EZH1: variants seen among roughly 807,000 people sequenced by gnomAD.
EZH1 encodes histone-lysine N-methyltransferase EZH1.
In EZH1, 33 loss-of-function variants were observed where a neutral mutation model predicts 100.5. The observed-to-expected ratio is 0.33, with a 90% CI of 0.25 to 0.44. EZH1 has a LOEUF of 0.44. Among genes scored for constraint, EZH1 ranks in the 20% least tolerant of loss-of-function variants. The probability of loss-of-function intolerance (pLI) is 1.00; values close to 1 mark genes in which losing one functional copy is unlikely to be tolerated. For synonymous variants in EZH1, 272 were observed against 313.8 expected, an observed-to-expected ratio of 0.87 and a Z score of 1.41; for missense variants, 475 against 928.4, an observed-to-expected ratio of 0.51 and a Z score of 6.35.
intron 10 of EZH1, among the ~76,000 whole-genome samples, chr17:42,716,943 C>A (rs1479604947): frequency 1.3e-5 from 2 of 152,118 alleles, no homozygotes; most frequent in Non-Finnish European, 2.9e-5. Context: ...GGTGATCCAC[C>A]TCCCTCAGCC....
At position 42,745,015 on chromosome 17, in the gene EZH1, C is replaced by G; in HGVS notation, c.-107G>C. The G allele has an allele frequency of 7.9e-7, 1 of 1,273,086 alleles. No individual in the cohort carries two copies. Among genetic ancestry groups the G allele is most frequent in the Non-Finnish European group, 1.0e-6 (1 of 982,596 alleles). 78.9% of individuals were successfully genotyped at this position (1,273,086 alleles called of 1,614,324 possible). On this transcript the variant is annotated 5_prime_UTR_variant, in exon 1 of 21. An upstream start codon of the reference 5' UTR is lost. Coordinates refer to ENST00000428826, the MANE Select transcript of EZH1 (RefSeq NM_001991.5). ...CAGGCTTGTTTACTCACTCACCCTCCATCCCGAGCCGCGGGTCCCGCTGCT... is the reference window on the plus strand; with the variant it reads ...CAGGCTTGTTTACTCACTCACCCTCGATCCCGAGCCGCGGGTCCCGCTGCT...
chr17:42,720,260 C>T lies in EZH1; in HGVS notation c.664+13G>A. 1 of 1,605,434 alleles carries T rather than the reference C, an allele frequency of 6.2e-7. No homozygotes were observed. Among genetic ancestry groups the T allele is most frequent in the Non-Finnish European group, 8.5e-7 (1 of 1,176,662 alleles). On this transcript the variant is annotated intron_variant, in intron 7 of 20. Coordinates refer to ENST00000428826, the MANE Select transcript of EZH1 (RefSeq NM_001991.5). ...CACTTTAAAAAAGGAATAAGGGAGC[C>T]AGTGCTACGTACCTTCAATAGCATG...
chr17:42,719,474 T>C (rs2053665506), intron 7 of EZH1, among the ~76,000 whole-genome samples: 1 of 152,218 alleles, frequency 6.6e-6, no homozygotes, highest in Non-Finnish European at 1.5e-5. Context: ...GGCTCACGCC[T>C]GTAATCCCAG....
chr17:42,743,296 G>A (rs989224976), intron 1 of EZH1, among the ~76,000 whole-genome samples: 4 of 150,502 alleles, frequency 2.7e-5, no homozygotes, highest in Middle Eastern at 7.0e-3. Flanking sequence ...CAGCCCTCCC[G>A]AGTAGCTGGG....
At chr17:42,722,148 CAAAA>C (rs66555154) in intron 6 of EZH1, among the ~76,000 whole-genome samples, 3 of 38,988 alleles carry the variant, frequency 7.7e-5, no homozygotes, top group Admixed American at 3.1e-4. Flanking sequence ...GACTCTGTCT[CAAAA>C]AAAAAAAAAA....
intron 10 of EZH1, among the ~76,000 whole-genome samples, chr17:42,713,596 TG>T (rs1450143002): frequency 6.6e-6 from 1 of 152,030 alleles, no homozygotes; most frequent in African/African-American, 2.4e-5. Flanking sequence ...TGTCCTATAA[TG>T]TTTTTTTGTT....
chr17:42,741,753 A>G (rs2054179881), intron 1 of EZH1, among the ~76,000 whole-genome samples: 1 of 152,032 alleles, frequency 6.6e-6, no homozygotes, highest in African/African-American at 2.4e-5. Flanking sequence ...CAGTGGCTTG[A>G]TCTCGGCTCA....
intron 4 of EZH1, among the ~76,000 whole-genome samples, chr17:42,725,628 A>C (rs2053804079): frequency 6.6e-6 from 1 of 152,114 alleles, no homozygotes; most frequent in South Asian, 2.1e-4. Context: ...AGAGTTCAGC[A>C]CAGTACTTCC....
chr17:42,725,477 C>T (rs969263803), intron 4 of EZH1, among the ~76,000 whole-genome samples: 5 of 151,420 alleles, frequency 3.3e-5, no homozygotes, highest in East Asian at 3.9e-4. Flanking sequence ...GACAGGGTCT[C>T]GCTATATTGC....
Position 42,718,653 on chromosome 17 carries a change from G to T in EZH1, c.768-36C>A. 1 of 1,610,328 alleles carries T rather than the reference G, an allele frequency of 6.2e-7. No homozygotes were observed. Among genetic ancestry groups the T allele is most frequent in the Non-Finnish European group, 8.5e-7 (1 of 1,177,534 alleles). ...AAAGAGAGATAAGAGTTCCTCCGAG[G>T]AACTGCCTCCACTGAGGAAATACAG... is the stretch of plus-strand genomic sequence containing the variant. On this transcript the variant is annotated intron_variant, in intron 8 of 20. Transcript: ENST00000428826. The surrounding 1 kb of genome is among the most constrained non-coding windows in gnomAD (Gnocchi z 4.2).
intron 1 of EZH1, among the ~76,000 whole-genome samples, chr17:42,740,172 C>A (rs1449583962): frequency 1.3e-5 from 2 of 152,112 alleles, no homozygotes; most frequent in Non-Finnish European, 2.9e-5. Flanking sequence ...CCCAGCCTCC[C>A]TAGTAGCTGG....
intron 3 of EZH1, among the ~76,000 whole-genome samples, chr17:42,728,556 A>G (rs995949224): frequency 6.6e-6 from 1 of 150,982 alleles, no homozygotes; most frequent in Non-Finnish European, 1.5e-5. Context: ...CCTGGCTAAC[A>G]TGGTGAAACC....
chr17:42,743,545 T>C (rs1023338520), intron 1 of EZH1, among the ~76,000 whole-genome samples: 1 of 150,908 alleles, frequency 6.6e-6, no homozygotes, highest in Non-Finnish European at 1.5e-5. Context: ...TCAGAGCTCA[T>C]TGCAACCTTG....
chr17:42,744,892 G>T, intron 1 of EZH1, 119 bp downstream of exon 1: 2 of 1,085,594 alleles, frequency 1.8e-6, no homozygotes, highest in Non-Finnish European at 2.4e-6. Flanking sequence ...GGCAGGCAGT[G>T]TGTCCCTCGG....
intron 17 of EZH1, 63 bp from the exon 18 acceptor site, chr17:42,704,746 G>A: frequency 7.2e-7 from 1 of 1,380,850 alleles, no homozygotes; most frequent in Non-Finnish European, 1.0e-6. Flanking sequence ...ATGGTACCCT[G>A]CCCCCAGAAA....
intron 11 of EZH1, 24 bp downstream of exon 11, chr17:42,713,185 G>A (rs894008585): frequency 1.2e-5 from 20 of 1,609,488 alleles, no homozygotes; most frequent in African/African-American, 2.7e-5. Flanking sequence ...GAAAGAAAAA[G>A]TCTTCATTTT....
intron 13 of EZH1, chr17:42,709,585 T>C: frequency 2.6e-6 from 1 of 381,018 alleles, no homozygotes; most frequent in South Asian, 5.3e-5. Flanking sequence ...GGCCAGCTCA[T>C]GTCCTATTGG....
At chr17:42,719,254 C>G in intron 7 of EZH1, 47 bp from the exon 8 acceptor site, 1 of 1,385,196 alleles carries the variant, frequency 7.2e-7, no homozygotes, top group Non-Finnish European at 1.0e-6. Flanking sequence ...TATCAGAACA[C>G]GTAAACAAAT....
rs543119090 is a variant in EZH1 at position 42,743,171 on chromosome 17, C to CTT, written c.-103+1838_-103+1839dup. Among the ~76,000 whole-genome samples, 333 of 123,888 alleles carry CTT rather than the reference C, an allele frequency of 2.7e-3. 2 individuals are homozygous for CTT. The highest frequency in any genetic ancestry group is 9.5e-3 in the African/African-American group (312 of 32,716). The allele number at this position is 123,888 out of a possible 152,430, so 81.3% of individuals were successfully genotyped here. ...GGCCTGAGCCACTGTGCCAGGCCTCCTTTTTTTTTTTTTTTTTTTGACAGA... is the reference window on the plus strand; with the variant it reads ...GGCCTGAGCCACTGTGCCAGGCCTCCTTTTTTTTTTTTTTTTTTTTTGACAGA... On this transcript the variant is annotated intron_variant, in intron 1 of 20. Transcript: ENST00000428826.
Sources: allele counts gnomAD v4.1 joint callset (sites outside exome capture counted in the v4.1 genomes callset), GRCh38; gene constraint gnomAD v4.1.1; non-coding constraint Gnocchi (gnomAD v3.1); transcripts MANE v1.5; gene names NCBI Gene and HGNC (gene_info 2026-07-23, HGNC 2026-07-21).